Variants in LARGE1 observed in about 807,000 individuals in gnomAD.
The protein encoded by LARGE1 is LARGE xylosyl- and glucuronyltransferase 1, also known as xylosyl- and glucuronyltransferase LARGE1.
In LARGE1, 43 loss-of-function variants were observed where a neutral mutation model predicts 87.6. That is an observed-to-expected ratio of 0.49 (90% CI 0.38 to 0.63). The LOEUF (loss-of-function observed/expected upper bound fraction) is 0.63, where lower values mean the gene tolerates loss of function less well. LARGE1 is among the 30% of genes least tolerant of loss of function. The pLI is 0.00. For synonymous variants in LARGE1, 434 were observed against 394.6 expected, an observed-to-expected ratio of 1.10 and a Z score of -1.18; for missense variants, 802 against 1,000.2, an observed-to-expected ratio of 0.80 and a Z score of 2.67.
At chr22:33,876,919 C>G (rs2064486663) in intron 1 of LARGE1, among the ~76,000 whole-genome samples, 2 of 151,738 alleles carry the variant, frequency 1.3e-5, no homozygotes, top group African/African-American at 4.8e-5. Flanking sequence ...CTGTCCTCGG[C>G]TCAGGGAAAG....
chr22:33,314,584 G>A (rs975267316), intron 11 of LARGE1, among the ~76,000 whole-genome samples: 4 of 152,084 alleles, frequency 2.6e-5, no homozygotes, highest in Admixed American at 6.5e-5. Context: ...CACTGTTCTC[G>A]GCACTGTACA....
At chr22:33,093,559 G>T in the LARGE1 span, among the ~76,000 whole-genome samples, 1 of 152,172 alleles carries the variant, frequency 6.6e-6, no homozygotes, top group Non-Finnish European at 1.5e-5. Context: ...TTTGGAATGT[G>T]AATGAGCCTG....
intron 1 of LARGE1, among the ~76,000 whole-genome samples, chr22:33,833,192 A>C (rs2063021472): frequency 6.6e-6 from 1 of 152,222 alleles, no homozygotes; most frequent in South Asian, 2.1e-4. Flanking sequence ...AAACTAATGT[A>C]ATACTGAAAC....
chr22:33,730,554 C>T (rs2083429469), intron 2 of LARGE1, among the ~76,000 whole-genome samples: 1 of 152,068 alleles, frequency 6.6e-6, no homozygotes, highest in Non-Finnish European at 1.5e-5. Context: ...GTCCCTAGTT[C>T]CCATGTTGTT....
intron 11 of LARGE1, among the ~76,000 whole-genome samples, chr22:33,229,578 G>A (rs1405984976): frequency 2.6e-5 from 4 of 151,980 alleles, no homozygotes; most frequent in Non-Finnish European, 5.9e-5. Flanking sequence ...TAAACATAAG[G>A]AAATAAAGTA....
chr22:33,355,150 T>C (rs1176958393), intron 9 of LARGE1, among the ~76,000 whole-genome samples: 1 of 152,224 alleles, frequency 6.6e-6, no homozygotes, highest in Admixed American at 6.5e-5. Flanking sequence ...TCTCTGCTTA[T>C]CTCCTTGTTA....
chr22:33,489,069 G>T (rs1238443895), intron 6 of LARGE1, among the ~76,000 whole-genome samples: 1 of 152,178 alleles, frequency 6.6e-6, no homozygotes, highest in African/African-American at 2.4e-5. Flanking sequence ...TGTTTATTAA[G>T]TGCTTCCATG....
At position 33,367,006 on chromosome 22, in the gene LARGE1, A is replaced by C. The variant is rs143496612; in HGVS notation, c.1131+14913T>G. On this transcript the variant is annotated intron_variant, in intron 9 of 14. Transcript: ENST00000397394. ...AAAAAGGTTTAATGGCTAGAAGATA[A>C]TCTAAACTTTATACTTTTTTCTTAA... Among the ~76,000 whole-genome samples the C allele has an allele frequency of 5.0e-3, 763 of 152,362 alleles. 8 individuals carry two copies. Among genetic ancestry groups the C allele is most frequent in the African/African-American group, 0.017 (723 of 41,590 alleles).
intron 7 of LARGE1, among the ~76,000 whole-genome samples, chr22:33,428,337 G>A (rs1299098425): frequency 7.1e-6 from 1 of 141,312 alleles, no homozygotes; most frequent in South Asian, 2.2e-4. Context: ...TTTTTTTTGA[G>A]ACAGAGTCTC....
At chr22:33,299,196 G>A (rs1450953965) in intron 12 of LARGE1, among the ~76,000 whole-genome samples, 3 of 151,766 alleles carry the variant, frequency 2.0e-5, no homozygotes, top group Non-Finnish European at 2.9e-5. Flanking sequence ...CTGAGCAACA[G>A]AGTGAGAGAG....
chr22:33,388,086 T>C (rs1164832444), intron 7 of LARGE1, among the ~76,000 whole-genome samples: 1 of 152,240 alleles, frequency 6.6e-6, no homozygotes, highest in Non-Finnish European at 1.5e-5. Flanking sequence ...CTATTCTAAC[T>C]TGCCTTTTCA....
At chr22:33,161,673 C>T (rs1922028921), downstream of LARGE1, among the ~76,000 whole-genome samples, 1 of 152,230 alleles carries the variant, frequency 6.6e-6, no homozygotes, top group Non-Finnish European at 1.5e-5. Context: ...GATTCCATGT[C>T]TTACATTGTG....
At chr22:33,774,972 A>G (rs937609011) in intron 1 of LARGE1, among the ~76,000 whole-genome samples, 3 of 152,186 alleles carry the variant, frequency 2.0e-5, no homozygotes, top group Non-Finnish European at 4.4e-5. Context: ...TACAGGCTGG[A>G]TAAATAGCAG....
At chr22:33,646,002 A>G (rs1411897497) in intron 3 of LARGE1, among the ~76,000 whole-genome samples, 2 of 152,232 alleles carry the variant, frequency 1.3e-5, no homozygotes, top group Non-Finnish European at 2.9e-5. Context: ...GGGGATGTAA[A>G]TAAGTTCAAT....
At chr22:33,148,083 G>A in the LARGE1 span, among the ~76,000 whole-genome samples, 1 of 152,190 alleles carries the variant, frequency 6.6e-6, no homozygotes, top group South Asian at 2.1e-4. Context: ...TTCAAGGGAT[G>A]AGTTTGGGCC....
intron 2 of LARGE1, among the ~76,000 whole-genome samples, chr22:33,652,058 C>T (rs1217815811): frequency 2.6e-5 from 4 of 152,098 alleles, no homozygotes; most frequent in Admixed American, 6.5e-5. Context: ...TGTATACAGT[C>T]CCAGCTACTC....
intron 2 of LARGE1, among the ~76,000 whole-genome samples, chr22:33,678,400 A>G (rs964170074): frequency 1.3e-5 from 2 of 152,190 alleles, no homozygotes; most frequent in Non-Finnish European, 2.9e-5. Context: ...TATCTAAAGT[A>G]ACACAGACAA....
intron 1 of LARGE1, among the ~76,000 whole-genome samples, chr22:33,897,352 G>A (rs2065172223): frequency 6.6e-6 from 1 of 152,118 alleles, no homozygotes; most frequent in African/African-American, 2.4e-5. Flanking sequence ...ACTCTCATTG[G>A]TGGTCTACAA....
intron 2 of LARGE1, among the ~76,000 whole-genome samples, chr22:33,705,560 G>A (rs917657686): frequency 6.6e-6 from 1 of 152,194 alleles, no homozygotes; most frequent in African/African-American, 2.4e-5. Context: ...TCACTGATGA[G>A]GAAAGTGAAG....
Sources: allele counts gnomAD v4.1 joint callset (sites outside exome capture counted in the v4.1 genomes callset), GRCh38; gene constraint gnomAD v4.1.1; transcripts MANE v1.5; gene names NCBI Gene and HGNC (gene_info 2026-07-23, HGNC 2026-07-21).